The following RYR3 variants were observed in gnomAD, a reference collection of about 807,000 sequenced individuals.
RYR3 encodes the protein ryanodine receptor 3, also known as brain ryanodine receptor-calcium release channel.
In RYR3, 207 loss-of-function variants were observed where a neutral mutation model predicts 584.3. That is an observed-to-expected ratio of 0.35 (90% CI 0.32 to 0.40). The LOEUF (loss-of-function observed/expected upper bound fraction) is 0.40. RYR3 is among the 10% of genes least tolerant of loss of function. The probability of loss-of-function intolerance (pLI) is 1.00; values close to 1 mark genes in which losing one functional copy is unlikely to be tolerated. For synonymous variants in RYR3, 2,416 were observed against 2,248.5 expected, an observed-to-expected ratio of 1.07 and a Z score of -2.11; for missense variants, 5,616 against 6,089.2, an observed-to-expected ratio of 0.92 and a Z score of 2.59.
rs371104323 is a variant in RYR3, at chr15:33,411,166, C to G, written c.52-62253C>G. 2.6e-5 allele frequency among the ~76,000 whole-genome samples: 4 copies of G among 152,262 alleles called. No homozygotes were observed. In the East Asian group the frequency reaches 5.8e-4, roughly 22 times the overall value. On this transcript the variant is annotated intron_variant, in intron 1 of 103. Coordinates refer to ENST00000634891, the MANE Select transcript of RYR3 (RefSeq NM_001036.6). ...TTGCTGGTGCCTACTTCTAAGTGCC[C>G]CCTACCTGGATTTGTCTTGCTCTGG... is the stretch of plus-strand genomic sequence containing the variant.
intron 19 of RYR3, among the ~76,000 whole-genome samples, chr15:33,615,512 C>T (rs1176038604): frequency 1.3e-5 from 2 of 152,064 alleles, no homozygotes; most frequent in African/African-American, 2.4e-5. Context: ...CAAACATATT[C>T]ATATAAATGG....
At chr15:33,630,946 T>A (rs542805681) in intron 22 of RYR3, among the ~76,000 whole-genome samples, 4 of 152,208 alleles carry the variant, frequency 2.6e-5, no homozygotes, top group Non-Finnish European at 5.9e-5. Flanking sequence ...GTAAATAGAT[T>A]GTTATTGTAA....
Position 33,827,300 on chromosome 15 carries a change from GC to G in RYR3, c.11334+15del. 3.9e-6 allele frequency: 6 copies of G among 1,549,754 alleles called. No individual in the cohort carries two copies. Among genetic ancestry groups the G allele is most frequent in the Non-Finnish European group, 5.2e-6 (6 of 1,145,128 alleles). ...TCTGCGTCTGCAGGTGAGTGGGAGGGCCTTGGACAATGGGACCTCTCACCTT... is the reference window on the plus strand; with the variant it reads ...TCTGCGTCTGCAGGTGAGTGGGAGGGCTTGGACAATGGGACCTCTCACCTT... On this transcript the variant is annotated intron_variant, in intron 85 of 103. Transcript: ENST00000634891.
intron 32 of RYR3, among the ~76,000 whole-genome samples, chr15:33,658,706 T>C (rs574636302): frequency 6.6e-6 from 1 of 152,324 alleles, no homozygotes; most frequent in South Asian, 2.1e-4. Context: ...TCCAGTGACT[T>C]TCTTGAAAAC....
chr15:33,549,118 T>G (rs1417057580), intron 9 of RYR3, among the ~76,000 whole-genome samples: 5 of 152,256 alleles, frequency 3.3e-5, no homozygotes, highest in African/African-American at 1.2e-4. Flanking sequence ...GAACACCGGT[T>G]TTAAGGAGCG....
intron 2 of RYR3, among the ~76,000 whole-genome samples, chr15:33,474,369 C>T (rs2049189308): frequency 6.6e-6 from 1 of 152,124 alleles, no homozygotes; most frequent in Non-Finnish European, 1.5e-5. Context: ...GCTAGTGAGA[C>T]TGAAATCTGT....
chr15:33,862,186 TTC>T (rs60669727), intron 102 of RYR3, among the ~76,000 whole-genome samples: 3 of 152,078 alleles, frequency 2.0e-5, no homozygotes, highest in Non-Finnish European at 2.9e-5. Flanking sequence ...CTCTTCCCCC[TTC>T]TCTCTCTATT....
chr15:33,567,454 G>A (rs1413087034), intron 12 of RYR3, among the ~76,000 whole-genome samples: 1 of 152,178 alleles, frequency 6.6e-6, no homozygotes, highest in Non-Finnish European at 1.5e-5. Context: ...TAAATTACGT[G>A]TGTGAATTTG....
intron 102 of RYR3, among the ~76,000 whole-genome samples, chr15:33,863,667 T>G (rs983941360): frequency 6.6e-6 from 1 of 152,092 alleles, no homozygotes; most frequent in East Asian, 1.9e-4. Context: ...AACAAAACTA[T>G]AGTTCTGGAA....
intron 58 of RYR3, 41 bp from the exon 59 acceptor site, chr15:33,756,265 T>C: frequency 7.1e-7 from 1 of 1,417,032 alleles, no homozygotes; most frequent in South Asian, 1.2e-5. Flanking sequence ...GATTTTTACT[T>C]CGTAACTCTG....
chr15:33,699,585 G>A, intron 40 of RYR3, 119 bp from the exon 41 acceptor site: 1 of 848,378 alleles, frequency 1.2e-6, no homozygotes, highest in Non-Finnish European at 1.8e-6. Flanking sequence ...AAAAATGGAA[G>A]GAGAAAGTTC....
intron 42 of RYR3, among the ~76,000 whole-genome samples, chr15:33,705,011 C>A (rs184418377): frequency 6.6e-6 from 1 of 152,074 alleles, no homozygotes; most frequent in Admixed American, 6.6e-5. Flanking sequence ...CTATTGATCA[C>A]GCCAGAAATT....
chr15:33,597,398 C>T (rs2059426361), intron 16 of RYR3, among the ~76,000 whole-genome samples: 1 of 152,066 alleles, frequency 6.6e-6, no homozygotes, highest in Admixed American at 6.6e-5. Flanking sequence ...GGGCAGATTA[C>T]GAGGTCAGGA....
At position 33,785,672 on chromosome 15, in the gene RYR3, G is replaced by A. The variant is rs780852257; in HGVS notation, c.9279G>A (p.Met3093Ile). 1.3e-6 allele frequency: 2 copies of A among 1,592,954 alleles called. No homozygotes were observed. The highest frequency in any genetic ancestry group is 1.7e-6 in the Non-Finnish European group (2 of 1,168,088). The change falls in exon 66 of 104, where the codon ATG becomes ATA. Residue 3093 changes from methionine to isoleucine, a missense_variant. Physicochemically the swap from Met to Ile is conservative, Grantham distance 10. Transcript: ENST00000634891. ...KTPRERSILG[M>I]PDTVEDMCPD... ...CTTCCTCTCAATCAGTTCTGGGGAT[G>A]CCAGACACGGTAGAAGACATGTGTC...
At chr15:33,845,123 GC>G in intron 93 of RYR3, 61 bp downstream of exon 93, 2 of 1,553,078 alleles carry the variant, frequency 1.3e-6, no homozygotes, top group Non-Finnish European at 1.8e-6. Context: ...TCCTTTTTGA[GC>G]CCAGCCAGCC....
chr15:33,811,198 T>A (rs879382506), intron 72 of RYR3, among the ~76,000 whole-genome samples, 161 bp downstream of exon 72: 19 of 152,090 alleles, frequency 1.2e-4, no homozygotes, highest in Admixed American at 7.2e-4. Context: ...TTTTTTAAAT[T>A]TTTTTTTAAA....
intron 2 of RYR3, among the ~76,000 whole-genome samples, chr15:33,487,463 C>G (rs76854831): frequency 0.022 from 3,339 of 152,234 alleles, 111 homozygotes; most frequent in African/African-American, 0.075. Context: ...TGGCATGTAG[C>G]AGATAGATGC....
At chr15:33,561,760 T>G (rs1294058575) in intron 10 of RYR3, among the ~76,000 whole-genome samples, 5 of 151,574 alleles carry the variant, frequency 3.3e-5, no homozygotes, top group Admixed American at 1.3e-4. Context: ...ATTAGCCAGG[T>G]GCAGTGGCCT....
chr15:33,447,153 G>T (rs942087031), intron 1 of RYR3, among the ~76,000 whole-genome samples: 1 of 152,242 alleles, frequency 6.6e-6, no homozygotes, highest in African/African-American at 2.4e-5. Flanking sequence ...GGATGTACAT[G>T]TGTTAGTATT....
Sources: gnomAD v4.1 joint callset for allele counts (sites outside exome capture counted in the v4.1 genomes callset) on GRCh38, gnomAD v4.1.1 for gene constraint, MANE v1.5 for transcripts, NCBI Gene and HGNC (gene_info 2026-07-23, HGNC 2026-07-21) for gene names.